Variants in SORL1 observed in about 807,000 individuals in gnomAD.
SORL1 encodes the protein sortilin related receptor 1.
In SORL1, 127 loss-of-function variants were observed where a neutral mutation model predicts 273.7. The observed-to-expected ratio is 0.46, with a 90% CI of 0.40 to 0.54. SORL1 has a LOEUF of 0.54. SORL1 is among the 20% of genes least tolerant of loss of function. The pLI, the probability that SORL1 is intolerant of heterozygous loss-of-function variation, is 0.00. For missense variants in SORL1, 2,494 were observed against 2,846.1 expected (o/e 0.88, Z 2.81); for synonymous variants, 1,031 against 1,067.4 (o/e 0.97, Z 0.66).
chr11:121,579,878 C>G (rs1051300111), intron 25 of SORL1, among the ~76,000 whole-genome samples: 1 of 152,172 alleles, frequency 6.6e-6, no homozygotes, highest in African/African-American at 2.4e-5. Flanking sequence ...CAAACTCTTT[C>G]AAGGTTTTGT....
intron 22 of SORL1, among the ~76,000 whole-genome samples, chr11:121,569,518 GGGCGGCCATCTTTT>G (rs1209163480): frequency 2.0e-5 from 3 of 152,144 alleles, no homozygotes; most frequent in Non-Finnish European, 4.4e-5. Context: ...CCGCTTCGAG[GGGCGGCCATCTTTT>G]ATGGTCGAAG....
chr11:121,597,121 T>C (rs1863306844), intron 32 of SORL1, among the ~76,000 whole-genome samples: 1 of 152,206 alleles, frequency 6.6e-6, no homozygotes, highest in South Asian at 2.1e-4. Flanking sequence ...CCTGTCTGAT[T>C]CTTAGCATCA....
intron 27 of SORL1, among the ~76,000 whole-genome samples, chr11:121,587,541 C>G (rs1204783739): frequency 1.3e-5 from 2 of 152,234 alleles, no homozygotes; most frequent in East Asian, 3.8e-4. Flanking sequence ...AAGGCCCTAT[C>G]TCCAAATACA....
At position 121,452,604 on chromosome 11, in the gene SORL1, G is replaced by A. The variant is rs2134757034; in HGVS notation, c.273G>A (p.Lys91=). The A allele has an allele frequency of 2.0e-6, 3 of 1,514,664 alleles. No homozygotes were observed. The highest frequency in any genetic ancestry group is 2.6e-6 in the Non-Finnish European group (3 of 1,139,094). The allele number at this position is 1,514,664 out of a possible 1,614,324, so 93.8% of individuals were successfully genotyped here. ...CTGCCCTGCAGCCCGAGCCCATCAA[G>A]GTGTACGGACAGGTGAGCAGTTTTG... is the stretch of plus-strand genomic sequence containing the variant. ...RSAALQPEPI[K]VYGQVSLNDS... Residue 91 remains lysine (K), a synonymous_variant, in exon 1 of 48, where the codon AAG becomes AAA. Coordinates refer to ENST00000260197, the MANE Select transcript of SORL1 (RefSeq NM_003105.6). The surrounding 1 kb of genome is among the most constrained non-coding windows in gnomAD (Gnocchi z 5.3).
At chr11:121,620,480 C>G (rs567938166) in intron 43 of SORL1, among the ~76,000 whole-genome samples, 1 of 152,176 alleles carries the variant, frequency 6.6e-6, no homozygotes, top group Non-Finnish European at 1.5e-5. Context: ...GCTCTTCCCT[C>G]TCTCCTCTCT....
At chr11:121,581,460 A>C (rs755841087) in intron 25 of SORL1, among the ~76,000 whole-genome samples, 2 of 152,206 alleles carry the variant, frequency 1.3e-5, no homozygotes, top group Non-Finnish European at 2.9e-5. Flanking sequence ...TCTTATAGTT[A>C]CAATGAATCC....
intron 6 of SORL1, among the ~76,000 whole-genome samples, chr11:121,500,424 C>T (rs1861693631): frequency 1.3e-5 from 2 of 152,354 alleles, no homozygotes; most frequent in South Asian, 2.1e-4. Flanking sequence ...TTGCATGCTG[C>T]AGACGCTGTG....
chr11:121,525,706 A>G (rs1862111178), intron 11 of SORL1, among the ~76,000 whole-genome samples: 1 of 152,214 alleles, frequency 6.6e-6, no homozygotes, highest in Admixed American at 6.5e-5. Flanking sequence ...CTCATTGGCC[A>G]TTTTAAAATC....
intron 2 of SORL1, among the ~76,000 whole-genome samples, chr11:121,477,198 A>G (rs1056036941): frequency 6.6e-6 from 1 of 152,164 alleles, no homozygotes; most frequent in East Asian, 1.9e-4. Context: ...TAACCCCGTG[A>G]TTATATTAAT....
At chr11:121,487,361 A>G (rs1469630739) in intron 3 of SORL1, among the ~76,000 whole-genome samples, 1 of 152,174 alleles carries the variant, frequency 6.6e-6, no homozygotes, top group East Asian at 1.9e-4. Flanking sequence ...CGCAGCCACT[A>G]TCCAGCCTAA....
Position 121,614,804 on chromosome 11 carries a change from T to G in SORL1, c.5420-67T>G, listed in dbSNP as rs73595297. On this transcript the variant is annotated intron_variant, in intron 40 of 47. Transcript: ENST00000260197. The stretch of plus-strand genomic sequence containing the variant: ...CTATTTTTTTTTAAAAAAGTGCATG[T>G]ACCAAGACACGTTCTTGACTAACAC... 2.5e-3 allele frequency: 3,308 copies of G among 1,324,308 alleles called. 64 individuals are homozygous for G. The African/African-American group carries it at 0.042, about 17-fold the overall frequency. 82.0% of individuals were successfully genotyped at this position (1,324,308 alleles called of 1,614,324 possible). A position where few individuals can be genotyped will look rare whatever the true frequency, so the allele number is the denominator to read the frequency against.
intron 41 of SORL1, among the ~76,000 whole-genome samples, chr11:121,615,302 A>G (rs1032253548): frequency 4.6e-5 from 7 of 151,948 alleles, no homozygotes; most frequent in Non-Finnish European, 7.4e-5. Flanking sequence ...CTTTGCTTTT[A>G]GATCAACCGT....
At chr11:121,572,176 T>C (rs1862853794) in intron 23 of SORL1, among the ~76,000 whole-genome samples, 1 of 152,228 alleles carries the variant, frequency 6.6e-6, no homozygotes. Flanking sequence ...CCTTGTGCCC[T>C]TGGGCTTGGT....
intron 12 of SORL1, among the ~76,000 whole-genome samples, chr11:121,538,648 T>A (rs1047427689): frequency 6.6e-6 from 1 of 152,156 alleles, no homozygotes; most frequent in Non-Finnish European, 1.5e-5. Flanking sequence ...TTATTTTTGC[T>A]TATTTTTTTT....
intron 12 of SORL1, among the ~76,000 whole-genome samples, chr11:121,540,436 G>A (rs1050613775): frequency 6.7e-6 from 1 of 149,818 alleles, no homozygotes; most frequent in Non-Finnish European, 1.5e-5. Context: ...CAGCACTCTG[G>A]GAGGCTGAGG....
chr11:121,511,181 AT>A lies in SORL1; in HGVS notation c.940-1812del, dbSNP rs750109474. 1.3e-4 allele frequency among the ~76,000 whole-genome samples: 20 copies of A among 149,928 alleles called. No homozygotes were observed. In the South Asian group the frequency reaches 3.2e-3, roughly 24 times the overall value. ...GGTAGTGGGATCGATGCATTTTGAGATTTTTTTTTTGATGATTGTAGTATTC... is the reference window on the plus strand; with the variant it reads ...GGTAGTGGGATCGATGCATTTTGAGATTTTTTTTTGATGATTGTAGTATTC... On this transcript the variant is annotated intron_variant, in intron 6 of 47. Coordinates refer to ENST00000260197, the MANE Select transcript of SORL1 (RefSeq NM_003105.6).
chr11:121,555,200 A>G lies in SORL1; in HGVS notation c.2453A>G (p.Asn818Ser). 1 of 1,613,634 alleles carries G rather than the reference A, an allele frequency of 6.2e-7. No homozygotes were observed. The highest frequency in any genetic ancestry group is 8.5e-7 in the Non-Finnish European group (1 of 1,179,654). Residue 818 changes from asparagine (N) to serine (S), a missense_variant, in exon 18 of 48, where the codon AAT (asparagine) becomes AGT (serine). By Grantham distance (46) the Asn-to-Ser change is conservative. Coordinates refer to ENST00000260197, the MANE Select transcript of SORL1 (RefSeq NM_003105.6). ...ALDVIQRLCL[N>S]GSTGQEVIIN... is the part of the protein sequence containing the mutation. ...TTCTCTCTTAAGCGCCTCTGTTTGA[A>G]TGGAAGCACAGGGCAAGAGGTGATC...
chr11:121,599,994 C>G (rs961324391), intron 32 of SORL1, among the ~76,000 whole-genome samples: 2 of 152,062 alleles, frequency 1.3e-5, no homozygotes, highest in African/African-American at 4.8e-5. Context: ...TAAAGTGGCC[C>G]TATCTTCTTT....
Position 121,452,648 on chromosome 11 carries a change from T to TA in SORL1, c.285+32_285+33insA. 7.0e-7 allele frequency: 1 copy of TA among 1,420,376 alleles called. No individual in the cohort carries two copies. Among genetic ancestry groups the TA allele is most frequent in the South Asian group, 1.5e-5 (1 of 67,676 alleles). 88.0% of individuals were successfully genotyped at this position (1,420,376 alleles called of 1,614,324 possible). A position where few individuals can be genotyped will look rare whatever the true frequency, so the allele number is the denominator to read the frequency against. On this transcript the variant is annotated intron_variant, in intron 1 of 47. Transcript: ENST00000260197. This position sits in a 1 kb window ranked among gnomAD's most constrained non-coding sequence, Gnocchi z 5.3. ...AGTTTTGCAACCCGCCTCCCTCCAG[T>TA]TTTTTCCTCTCCCTGCACTTCCTCA...
Sources: gnomAD v4.1 joint callset for allele counts (sites outside exome capture counted in the v4.1 genomes callset) on GRCh38, gnomAD v4.1.1 for gene constraint, Gnocchi (gnomAD v3.1) non-coding constraint, MANE v1.5 for transcripts, NCBI Gene and HGNC (gene_info 2026-07-23, HGNC 2026-07-21) for gene names.